The following TANC2 variants were observed in gnomAD, a reference collection of about 807,000 sequenced individuals.
TANC2 encodes tetratricopeptide repeat, ankyrin repeat and coiled-coil containing 2.
A neutral mutation model predicts 210.5 loss-of-function variants in TANC2; 26 were observed. The ratio of observed to expected loss-of-function variants is 0.12; its 90% confidence interval spans 0.09 to 0.17. TANC2 has a LOEUF of 0.17. TANC2 is among the 10% of genes least tolerant of loss of function. The pLI is 1.00. For synonymous variants in TANC2, 931 were observed against 967.1 expected (o/e 0.96, Z 0.69); for missense variants, 2,129 against 2,608.9 (o/e 0.82, Z 4.01).
intron 5 of TANC2, among the ~76,000 whole-genome samples, chr17:63,177,220 G>A (rs1174949462): frequency 7.0e-6 from 1 of 143,016 alleles, no homozygotes; most frequent in African/African-American, 2.7e-5. Flanking sequence ...AGCCATGACT[G>A]TGCCATTGTA....
At chr17:63,088,945 C>T (rs2037079220) in intron 3 of TANC2, 1 of 152,124 alleles carries the variant, frequency 6.6e-6, no homozygotes, top group Non-Finnish European at 1.5e-5. Context: ...CATTAGCACT[C>T]CTTTTGAAGG....
chr17:63,094,091 A>C (rs2144838798), intron 3 of TANC2, among the ~76,000 whole-genome samples: 1 of 152,310 alleles, frequency 6.6e-6, no homozygotes. Context: ...ATAGAAAGAC[A>C]CTTGATTCTT....
chr17:63,416,027 T>G (rs1007194698), intron 26 of TANC2, among the ~76,000 whole-genome samples: 1 of 152,204 alleles, frequency 6.6e-6, no homozygotes, highest in African/African-American at 2.4e-5. Context: ...CAATTAGATG[T>G]GAATTGTAGT....
chr17:63,254,125 G>T (rs1382802623), intron 8 of TANC2, among the ~76,000 whole-genome samples: 1 of 152,158 alleles, frequency 6.6e-6, no homozygotes, highest in Non-Finnish European at 1.5e-5. Flanking sequence ...CAATGAACAT[G>T]AAATGTCTTT....
chr17:63,243,370 A>C (rs1037033620), intron 8 of TANC2, among the ~76,000 whole-genome samples: 1 of 152,228 alleles, frequency 6.6e-6, no homozygotes, highest in African/African-American at 2.4e-5. Flanking sequence ...TAGAATGTCC[A>C]TGAGAAATGA....
At position 63,119,559 on chromosome 17, in the gene TANC2, A is replaced by G. The variant is rs577606110; in HGVS notation, c.322+20202A>G. On this transcript the variant is annotated intron_variant, in intron 4 of 27. Coordinates refer to ENST00000689528, the Ensembl canonical transcript of TANC2. ...TCAAATAAATATTCACATTTTAACT[A>G]TTGCTCTGCAAGTAAATAAAATAGG... Among the ~76,000 whole-genome samples the G allele has an allele frequency of 7.9e-5, 12 of 152,348 alleles. No individual in the cohort carries two copies. The South Asian group carries it at 1.2e-3, about 16-fold the overall frequency.
chr17:63,128,852 G>T (rs780247686), intron 4 of TANC2, among the ~76,000 whole-genome samples: 5 of 152,170 alleles, frequency 3.3e-5, no homozygotes, highest in Admixed American at 2.6e-4. Context: ...AAATTTAATT[G>T]TGAGTGGAAA....
chr17:63,344,498 A>G (rs1228058663), intron 12 of TANC2, among the ~76,000 whole-genome samples: 1 of 152,202 alleles, frequency 6.6e-6, no homozygotes, highest in Non-Finnish European at 1.5e-5. Context: ...GGCTAGTACA[A>G]TAAGAAAATA....
chr17:63,250,553 A>G (rs1238184305), intron 8 of TANC2, among the ~76,000 whole-genome samples: 1 of 152,140 alleles, frequency 6.6e-6, no homozygotes, highest in African/African-American at 2.4e-5. Context: ...CATTGTTGCT[A>G]TAGCCAACTC....
At chr17:63,136,349 A>C (rs1308854126) in intron 4 of TANC2, among the ~76,000 whole-genome samples, 1 of 152,184 alleles carries the variant, frequency 6.6e-6, no homozygotes, top group Non-Finnish European at 1.5e-5. Flanking sequence ...AATTGCATGA[A>C]AATAGAACTT....
intron 7 of TANC2, among the ~76,000 whole-genome samples, chr17:63,209,592 CCTGT>C (rs2041824823): frequency 6.6e-6 from 1 of 152,082 alleles, no homozygotes; most frequent in African/African-American, 2.4e-5. Flanking sequence ...CACCACCATG[CCTGT>C]CTAATTTTTT....
rs186782703 is a variant in TANC2, at chr17:63,127,810, T to C, written c.323-23460T>C. Among the ~76,000 whole-genome samples the C allele has an allele frequency of 1.9e-3, 295 of 152,356 alleles. 1 individual carries two copies. Among genetic ancestry groups the C allele is most frequent in the Middle Eastern group, 6.8e-3 (2 of 294 alleles). ...CTGCATATTACCATGCCCTGCACAC[T>C]GTGAGCTAACTCTACCAGTTAGAAG... On this transcript the variant is annotated intron_variant, in intron 4 of 27. Coordinates refer to ENST00000689528, the Ensembl canonical transcript of TANC2.
intron 6 of TANC2, among the ~76,000 whole-genome samples, chr17:63,198,862 C>T (rs924842037): frequency 6.6e-6 from 1 of 152,088 alleles, no homozygotes; most frequent in Non-Finnish European, 1.5e-5. Context: ...AAACTCTCCT[C>T]TTCTCTGGAG....
intron 12 of TANC2, among the ~76,000 whole-genome samples, chr17:63,347,080 G>A (rs561802375): frequency 3.9e-5 from 6 of 152,214 alleles, no homozygotes; most frequent in African/African-American, 1.4e-4. Flanking sequence ...TTACCCAAGA[G>A]AAATGAAAAC....
chr17:62,988,163 T>C (rs748958891), intron 1 of TANC2, among the ~76,000 whole-genome samples: 4 of 152,170 alleles, frequency 2.6e-5, no homozygotes, highest in Non-Finnish European at 5.9e-5. Context: ...AGTCTTGCTC[T>C]GTCACCCAGG....
At chr17:63,290,866 CA>C (rs1046940740) in intron 9 of TANC2, among the ~76,000 whole-genome samples, 3 of 152,112 alleles carry the variant, frequency 2.0e-5, no homozygotes, top group African/African-American at 7.2e-5. Context: ...AGCTACAATG[CA>C]TATTGTACTT....
intron 8 of TANC2, among the ~76,000 whole-genome samples, chr17:63,247,348 A>T (rs1229945434): frequency 6.6e-6 from 1 of 152,026 alleles, no homozygotes; most frequent in Non-Finnish European, 1.5e-5. Flanking sequence ...TTTTTAATAG[A>T]AAACATACTG....
intron 7 of TANC2, among the ~76,000 whole-genome samples, chr17:63,231,705 T>C (rs1228465733): frequency 6.6e-6 from 1 of 152,198 alleles, no homozygotes; most frequent in African/African-American, 2.4e-5. Context: ...TTTACTTCAT[T>C]TTGACCTTGG....
At chr17:63,112,303 A>C (rs563151690) in intron 4 of TANC2, among the ~76,000 whole-genome samples, 1 of 152,312 alleles carries the variant, frequency 6.6e-6, no homozygotes, top group Admixed American at 6.5e-5. Context: ...AGGGTGGATC[A>C]GCAGTAGGGT....
Sources: gnomAD v4.1 joint callset for allele counts (sites outside exome capture counted in the v4.1 genomes callset) on GRCh38, gnomAD v4.1.1 for gene constraint, MANE v1.5 for transcripts, NCBI Gene and HGNC (gene_info 2026-07-23, HGNC 2026-07-21) for gene names.